The following MICOS10 variants were observed in gnomAD, a reference collection of about 807,000 sequenced individuals.
MICOS10 encodes the protein mitochondrial contact site and cristae organizing system subunit 10.
MICOS10 carries 5 observed loss-of-function variants against 13.4 expected under a neutral mutation model. That is an observed-to-expected ratio of 0.37 (90% CI 0.20 to 0.78). The LOEUF (loss-of-function observed/expected upper bound fraction) is 0.78, where lower values mean the gene tolerates loss of function less well. Ranked by LOEUF, MICOS10 falls within the 30% of genes least tolerant of loss-of-function variation. MICOS10 has a pLI of 0.47. For missense variants in MICOS10, 101 were observed against 94.6 expected (o/e 1.07, Z -0.28); for synonymous variants, 35 against 33.6 (o/e 1.04, Z -0.15).
At chr1:19,612,431 G>T (rs1210296972) in intron 1 of MICOS10, among the ~76,000 whole-genome samples, 2 of 151,560 alleles carry the variant, frequency 1.3e-5, no homozygotes, top group Non-Finnish European at 2.9e-5. Context: ...CAGCCTTTAA[G>T]AAAGACTCTA....
intron 1 of MICOS10, among the ~76,000 whole-genome samples, chr1:19,605,263 T>C (rs749939652): frequency 6.6e-6 from 1 of 152,200 alleles, no homozygotes; most frequent in Non-Finnish European, 1.5e-5. Flanking sequence ...TAAACTACTT[T>C]GTTGAGATAT....
In MICOS10 at chr1:19,628,680, C is replaced by CAAAAAAAAAAAAA; in HGVS notation, c.*2288_*2300dup. On this transcript the variant is annotated 3_prime_UTR_variant, in exon 4 of 4. Coordinates refer to ENST00000322753, the MANE Select transcript of MICOS10 (RefSeq NM_001032363.4). Reference sequence around the variant, plus strand: ...CCGGCGACAGAGCGAGAATCTGTCTCAAAAAAAAAAAAAAAAAAAAAGCAT... The same window carrying CAAAAAAAAAAAAA: ...CCGGCGACAGAGCGAGAATCTGTCTCAAAAAAAAAAAAAAAAAAAAAAAAAAAAAAAAAAGCAT... The CAAAAAAAAAAAAA allele has an allele frequency of 1.6e-5, 1 of 63,296 alleles. No homozygotes were observed. Among genetic ancestry groups the CAAAAAAAAAAAAA allele is most frequent in the Non-Finnish European group, 3.2e-5 (1 of 30,934 alleles). The allele number at this position is 63,296 out of a possible 1,614,324, so 3.9% of individuals were successfully genotyped here.
At chr1:19,603,543 T>C (rs1048342836) in intron 1 of MICOS10, among the ~76,000 whole-genome samples, 2 of 152,216 alleles carry the variant, frequency 1.3e-5, no homozygotes, top group African/African-American at 4.8e-5. Flanking sequence ...CTTCCTGGAT[T>C]CATACGGAGG....
In MICOS10 at chr1:19,598,111, C is replaced by T. The variant is rs531198481; in HGVS notation, c.64+1002C>T. The T allele has an allele frequency of 5.3e-5, 8 of 152,292 alleles. No homozygotes were observed. The East Asian group carries it at 1.5e-3, about 29-fold the overall frequency. 9.4% of individuals were successfully genotyped at this position (152,292 alleles called of 1,614,324 possible). On this transcript the variant is annotated intron_variant, in intron 1 of 3. Coordinates refer to ENST00000322753, the MANE Select transcript of MICOS10 (RefSeq NM_001032363.4). ...TTAGTCACTGCCCCATCCCCAGCCC[C>T]TAAAAGAGTGCTTAATAAAAATTGT...
At chr1:19,597,247 G>T in intron 1 of MICOS10, 138 bp downstream of exon 1, 1 of 873,362 alleles carries the variant, frequency 1.1e-6, no homozygotes, top group South Asian at 1.8e-5. Flanking sequence ...GCCAGGGCGA[G>T]CCGCCCGGGC....
chr1:19,608,277 G>A (rs752465901), intron 1 of MICOS10: 25 of 1,346,788 alleles, frequency 1.9e-5, no homozygotes, highest in Non-Finnish European at 2.5e-5. Context: ...ACCATCTGCC[G>A]TGTGACTGGT....
rs1558349422 is a variant in MICOS10, at chr1:19,625,619, CAG to C, written c.223-764_223-763del. 11 of 1,288,774 alleles carry C rather than the reference CAG, an allele frequency of 8.5e-6. No homozygotes were observed. In the Admixed American group the frequency reaches 9.2e-5, roughly 11 times the overall value. The allele number at this position is 1,288,774 out of a possible 1,614,324, so 79.8% of individuals were successfully genotyped here. On this transcript the variant is annotated intron_variant, in intron 3 of 3. Transcript: ENST00000322753. ...TGTGGGGAGAACCGAAAGGAGCAGA[CAG>C]AGAAGCTTCAGGTCTTTTGCTTAAA...
At position 19,625,819 on chromosome 1, in the gene MICOS10, C is replaced by G. The variant is rs539275750; in HGVS notation, c.223-568C>G. ...ACTTTATCTGGACTTGAGTCTGTGC[C>G]TCGATGTTGTCATCCTCCATTCCCT... On this transcript the variant is annotated intron_variant, in intron 3 of 3. Transcript: ENST00000322753. Among the ~76,000 whole-genome samples, 205 of 152,152 alleles carry G rather than the reference C, an allele frequency of 1.3e-3. 2 individuals carry two copies. The highest frequency in any genetic ancestry group is 1.4e-3 in the Non-Finnish European group (95 of 68,034).
intron 1 of MICOS10, among the ~76,000 whole-genome samples, chr1:19,605,982 C>A (rs1259736726): frequency 6.6e-6 from 1 of 152,086 alleles, no homozygotes; most frequent in Non-Finnish European, 1.5e-5. Flanking sequence ...TGAAAAGTGA[C>A]GTGGTTGAAT....
intron 1 of MICOS10, among the ~76,000 whole-genome samples, chr1:19,606,765 GA>G (rs2094836349): frequency 6.6e-6 from 1 of 151,406 alleles, no homozygotes; most frequent in Admixed American, 6.6e-5. Context: ...AAAAAAGAAA[GA>G]AAAAAAGTAG....
chr1:19,625,141 GTGT>G (rs547329896), intron 3 of MICOS10, among the ~76,000 whole-genome samples: 31 of 152,224 alleles, frequency 2.0e-4, no homozygotes, highest in Non-Finnish European at 4.1e-4. Flanking sequence ...TCTACCTATA[GTGT>G]TGTTGTGAGA....
intron 1 of MICOS10, among the ~76,000 whole-genome samples, chr1:19,619,375 G>A (rs765677305): frequency 6.6e-6 from 1 of 152,186 alleles, no homozygotes; most frequent in Non-Finnish European, 1.5e-5. Context: ...GGCATGGTGA[G>A]AACAAAGATT....
chr1:19,620,303 G>C (rs1357928544), intron 1 of MICOS10, among the ~76,000 whole-genome samples: 1 of 152,202 alleles, frequency 6.6e-6, no homozygotes, highest in Non-Finnish European at 1.5e-5. Context: ...CGATCAGGTG[G>C]GACTTCTTTG....
At chr1:19,619,778 C>T (rs2094896731) in intron 1 of MICOS10, among the ~76,000 whole-genome samples, 1 of 152,212 alleles carries the variant, frequency 6.6e-6, no homozygotes, top group Non-Finnish European at 1.5e-5. Flanking sequence ...AGAGTAATTT[C>T]ATTTTAGAGG....
chr1:19,621,752 G>A (rs1396532061), intron 1 of MICOS10, among the ~76,000 whole-genome samples: 1 of 152,128 alleles, frequency 6.6e-6, no homozygotes, highest in East Asian at 1.9e-4. Context: ...TTTGGCTGTG[G>A]TATCCCTCTT....
chr1:19,622,919 A>AC lies in MICOS10; in HGVS notation c.113-554dup, dbSNP rs1491042551. On this transcript the variant is annotated intron_variant, in intron 2 of 3. Transcript: ENST00000322753. ...TTATCTAGTGTTTTCATATTTTACT[A>AC]CTTTTTTTTTTTTTTTTTTTTGAAA... 2.2e-4 allele frequency among the ~76,000 whole-genome samples: 27 copies of AC among 125,226 alleles called. 2 individuals are homozygous for AC. Among genetic ancestry groups the AC allele is most frequent in the African/African-American group, 1.1e-3 (26 of 22,670 alleles). The allele number at this position is 125,226 out of a possible 152,430, so 82.2% of individuals were successfully genotyped here.
At chr1:19,623,279 T>C (rs945738548) in intron 2 of MICOS10, among the ~76,000 whole-genome samples, 195 bp from the exon 3 acceptor site, 6 of 152,228 alleles carry the variant, frequency 3.9e-5, no homozygotes, top group East Asian at 3.8e-4. Context: ...ATTTGCTAAA[T>C]TAATAACTTC....
chr1:19,600,934 G>C (rs2100238123), intron 1 of MICOS10: 1 of 1,289,364 alleles, frequency 7.8e-7, no homozygotes, highest in Non-Finnish European at 1.0e-6. Context: ...GCTTGGCAAA[G>C]ACTGAAGGGA....
chr1:19,621,088 C>T (rs1191628594), intron 1 of MICOS10, among the ~76,000 whole-genome samples: 1 of 152,220 alleles, frequency 6.6e-6, no homozygotes, highest in African/African-American at 2.4e-5. Context: ...CTGTCTTACT[C>T]ATCTTCCAGC....
Sources: allele counts gnomAD v4.1 joint callset (sites outside exome capture counted in the v4.1 genomes callset), GRCh38; gene constraint gnomAD v4.1.1; transcripts MANE v1.5; gene names NCBI Gene and HGNC (gene_info 2026-07-23, HGNC 2026-07-21).